NTN1: variants seen among roughly 807,000 people sequenced by gnomAD.
The protein encoded by NTN1 is netrin 1.
Under a neutral mutation model 54.2 loss-of-function variants are expected in NTN1, and 11 were observed. The observed-to-expected ratio is 0.20, with a 90% CI of 0.13 to 0.34. The LOEUF is 0.34. Among genes scored for constraint, NTN1 ranks in the 10% least tolerant of loss-of-function variants. The probability of loss-of-function intolerance (pLI) is 1.00; values close to 1 mark genes in which losing one functional copy is unlikely to be tolerated. For missense variants in NTN1, 740 were observed against 893.1 expected (o/e 0.83, Z 2.18); for synonymous variants, 371 against 382.0 (o/e 0.97, Z 0.33).
intron 2 of NTN1, among the ~76,000 whole-genome samples, chr17:9,129,089 G>A (rs1373452036): frequency 2.6e-5 from 4 of 152,102 alleles, no homozygotes; most frequent in Non-Finnish European, 5.9e-5. Context: ...GCTCACTTTC[G>A]TTGCCTCGGC....
At chr17:9,139,327 T>A (rs2092290678) in intron 2 of NTN1, among the ~76,000 whole-genome samples, 1 of 152,146 alleles carries the variant, frequency 6.6e-6, no homozygotes, top group South Asian at 2.1e-4. Context: ...GGGTGTAAAG[T>A]GGGCAGAATG....
At chr17:9,098,792 T>C (rs1425404499) in intron 2 of NTN1, among the ~76,000 whole-genome samples, 15 of 152,208 alleles carry the variant, frequency 9.9e-5, no homozygotes, top group Admixed American at 9.8e-4. Context: ...CACTTCTCCA[T>C]TGGCCAGGAC....
chr17:9,055,157 T>G (rs1454193855), intron 2 of NTN1, among the ~76,000 whole-genome samples: 2 of 152,216 alleles, frequency 1.3e-5, no homozygotes, highest in Non-Finnish European at 2.9e-5. Flanking sequence ...TCAGAGACAC[T>G]TCTGCACATC....
Position 9,058,637 on chromosome 17 carries a change from CAAAAAAAAAA to C in NTN1, c.1018+35264_1018+35273del, listed in dbSNP as rs3053457. On this transcript the variant is annotated intron_variant, in intron 2 of 6. Coordinates refer to ENST00000173229, the MANE Select transcript of NTN1 (RefSeq NM_004822.3). ...AGATCCTTGGCCCATGGTAGGCACTCAAAAAAAAAAAAAAAAAAAAAAAAAAAGAAAAGAA... is the reference window on the plus strand; with the variant it reads ...AGATCCTTGGCCCATGGTAGGCACTCAAAAAAAAAAAAAAAAAGAAAAGAA... Among the ~76,000 whole-genome samples, 16 of 58,894 alleles carry C rather than the reference CAAAAAAAAAA, an allele frequency of 2.7e-4. No individual in the cohort carries two copies. The South Asian group carries it at 8.0e-3, about 30-fold the overall frequency. 38.6% of individuals were successfully genotyped at this position (58,894 alleles called of 152,430 possible).
intron 2 of NTN1, among the ~76,000 whole-genome samples, chr17:9,070,653 G>A (rs1239343166): frequency 1.3e-5 from 2 of 152,098 alleles, no homozygotes; most frequent in Non-Finnish European, 2.9e-5. Flanking sequence ...GTGCAATGTT[G>A]CGATCTCTGC....
At chr17:9,236,364 G>A (rs1173865042) in intron 6 of NTN1, among the ~76,000 whole-genome samples, 6 of 152,236 alleles carry the variant, frequency 3.9e-5, no homozygotes, top group Non-Finnish European at 5.9e-5. Flanking sequence ...GTGGAGTGCC[G>A]TGTGGGTGCT....
intron 2 of NTN1, among the ~76,000 whole-genome samples, chr17:9,114,165 A>AT (rs2092202478): frequency 2.6e-5 from 3 of 117,572 alleles, no homozygotes; most frequent in African/African-American, 3.5e-5. Flanking sequence ...AAAAAAAAAA[A>AT]AATATATATA....
At chr17:9,067,496 T>G (rs1034308911) in intron 2 of NTN1, among the ~76,000 whole-genome samples, 2 of 152,180 alleles carry the variant, frequency 1.3e-5, no homozygotes, top group Non-Finnish European at 2.9e-5. Flanking sequence ...ATAAGGTCCA[T>G]TTGACTTAAA....
chr17:9,204,395 G>A (rs1904911652), intron 5 of NTN1, among the ~76,000 whole-genome samples: 1 of 152,056 alleles, frequency 6.6e-6, no homozygotes, highest in Non-Finnish European at 1.5e-5. Context: ...CTGGGTTCAA[G>A]TGATTCTTCT....
intron 2 of NTN1, among the ~76,000 whole-genome samples, chr17:9,050,478 T>C (rs1374223753): frequency 6.6e-6 from 1 of 151,224 alleles, no homozygotes; most frequent in Admixed American, 6.6e-5. Flanking sequence ...GAGACCAGCC[T>C]GGCCAACAGG....
intron 5 of NTN1, among the ~76,000 whole-genome samples, chr17:9,195,579 G>GC (rs1904609537): frequency 6.6e-6 from 1 of 152,180 alleles, no homozygotes; most frequent in Non-Finnish European, 1.5e-5. Context: ...GCTGAGGCAG[G>GC]GGTGGATGCA....
intron 2 of NTN1, among the ~76,000 whole-genome samples, chr17:9,101,767 A>G (rs772432000): frequency 2.6e-4 from 39 of 152,290 alleles, no homozygotes; most frequent in Non-Finnish European, 5.0e-4. Context: ...CTGAGGCAGG[A>G]GGATTGCTTG....
intron 2 of NTN1, among the ~76,000 whole-genome samples, chr17:9,067,913 G>A (rs2092020391): frequency 6.6e-6 from 1 of 152,144 alleles, no homozygotes; most frequent in South Asian, 2.1e-4. Flanking sequence ...CCTCCATAGA[G>A]TTCAGATTGT....
At chr17:9,210,314 C>T (rs1327059611) in intron 5 of NTN1, among the ~76,000 whole-genome samples, 2 of 152,086 alleles carry the variant, frequency 1.3e-5, no homozygotes, top group Non-Finnish European at 2.9e-5. Flanking sequence ...GAGCTGTCTA[C>T]AGCCACCCTG....
chr17:9,028,718 A>T (rs1597462764), intron 2 of NTN1, among the ~76,000 whole-genome samples: 1 of 152,066 alleles, frequency 6.6e-6, no homozygotes, highest in Admixed American at 6.5e-5. Context: ...CATTAAGTAA[A>T]TTTTTTGTCT....
intron 6 of NTN1, among the ~76,000 whole-genome samples, chr17:9,231,002 G>A (rs765080430): frequency 9.9e-5 from 15 of 152,138 alleles, no homozygotes; most frequent in African/African-American, 1.7e-4. Flanking sequence ...CAAGGTGCCC[G>A]GAGTGTGGGG....
rs112480469 is a variant in NTN1 at position 9,190,372 on chromosome 17, A to G, written c.1411+7403A>G. 1.3e-5 allele frequency among the ~76,000 whole-genome samples: 2 copies of G among 152,354 alleles called. 1 individual carries two copies. Among genetic ancestry groups the G allele is most frequent in the African/African-American group, 4.8e-5 (2 of 41,592 alleles). ...CATAATTCTAGTCAAAATCCCAATT[A>G]CATGAAACACGATTCCTAAATTCAG... On this transcript the variant is annotated intron_variant, in intron 5 of 6. Coordinates refer to ENST00000173229, the MANE Select transcript of NTN1 (RefSeq NM_004822.3).
chr17:9,096,906 T>C (rs1247445294), intron 2 of NTN1, among the ~76,000 whole-genome samples: 1 of 152,202 alleles, frequency 6.6e-6, no homozygotes, highest in East Asian at 1.9e-4. Context: ...TTCAGAGTCA[T>C]TGGTAATACA....
At chr17:9,113,822 G>T (rs952030100) in intron 2 of NTN1, among the ~76,000 whole-genome samples, 2 of 152,020 alleles carry the variant, frequency 1.3e-5, no homozygotes, top group Non-Finnish European at 2.9e-5. Context: ...GATGTCCAAC[G>T]ATGGGAGATG....
Sources: allele counts gnomAD v4.1 joint callset (sites outside exome capture counted in the v4.1 genomes callset), GRCh38; gene constraint gnomAD v4.1.1; transcripts MANE v1.5; gene names NCBI Gene and HGNC (gene_info 2026-07-23, HGNC 2026-07-21).